The following GOSR2 variants were observed in gnomAD, a reference collection of about 807,000 sequenced individuals.
GOSR2 encodes 27 kDa Golgi SNARE protein.
A neutral mutation model predicts 27.9 loss-of-function variants in GOSR2; 20 were observed. The ratio of observed to expected loss-of-function variants is 0.72; its 90% CI spans 0.50 to 1.04. The LOEUF (loss-of-function observed/expected upper bound fraction) is 1.04. Ranked by LOEUF, GOSR2 falls within the 50% of genes least tolerant of loss-of-function variation. The pLI, the probability that GOSR2 is intolerant of heterozygous loss-of-function variation, is 0.00. For missense variants in GOSR2, 261 were observed against 270.5 expected (o/e 0.97, Z 0.25); for synonymous variants, 91 against 98.8 (o/e 0.92, Z 0.47).
chr17:46,933,587 C>A (rs1032051772), intron 4 of GOSR2: 2 of 149,086 alleles, frequency 1.3e-5, no homozygotes, highest in Non-Finnish European at 3.0e-5. Flanking sequence ...CACGTATGTG[C>A]AAAATGATTC....
At chr17:46,950,638 G>A (rs1159035743) in intron 6 of GOSR2, among the ~76,000 whole-genome samples, 2 of 152,118 alleles carry the variant, frequency 1.3e-5, no homozygotes, top group African/African-American at 4.8e-5. Flanking sequence ...AGATGACCCC[G>A]AGCAGCAAGG....
intron 6 of GOSR2, among the ~76,000 whole-genome samples, chr17:46,952,169 A>G (rs2090407616): frequency 6.6e-6 from 1 of 152,146 alleles, no homozygotes; most frequent in African/African-American, 2.4e-5. Flanking sequence ...TCTTTGGACT[A>G]CAAATCCTTA....
intron 6 of GOSR2, among the ~76,000 whole-genome samples, chr17:46,953,084 A>G (rs2090480099): frequency 6.6e-6 from 1 of 152,032 alleles, no homozygotes; most frequent in African/African-American, 2.4e-5. Flanking sequence ...TTTAGGGTAC[A>G]TGTACACAAT....
chr17:46,936,396 G>C, intron 5 of GOSR2: 2 of 985,388 alleles, frequency 2.0e-6, no homozygotes, highest in Non-Finnish European at 2.4e-6. Context: ...CACACCTCTT[G>C]CCACCCACAC....
chr17:46,932,243 C>G (rs370925488), intron 4 of GOSR2, 44 bp downstream of exon 4: 6 of 1,611,122 alleles, frequency 3.7e-6, no homozygotes, highest in Non-Finnish European at 4.2e-6. Context: ...CTTGACAGAT[C>G]GTGGGGGCTG....
At chr17:46,969,850 A>G (rs2091372786), downstream of GOSR2, among the ~76,000 whole-genome samples, 1 of 152,018 alleles carries the variant, frequency 6.6e-6, no homozygotes, top group Non-Finnish European at 1.5e-5. Context: ...GGTGCTTGTT[A>G]CCTTTCGCGA....
At chr17:46,961,001 G>A (rs2091017542) in intron 6 of GOSR2, among the ~76,000 whole-genome samples, 2 of 151,870 alleles carry the variant, frequency 1.3e-5, no homozygotes, top group Admixed American at 6.6e-5. Flanking sequence ...AAAATAAAAG[G>A]CATTTATAAT....
intron 1 of GOSR2, among the ~76,000 whole-genome samples, chr17:46,926,705 A>G (rs1024903748): frequency 3.3e-5 from 5 of 152,234 alleles, no homozygotes; most frequent in African/African-American, 7.2e-5. Context: ...CCACCTTGCC[A>G]TTCATACTTG....
chr17:46,973,620 C>CA (rs1301743950), intron 6 of GOSR2, among the ~76,000 whole-genome samples: 1 of 152,182 alleles, frequency 6.6e-6, no homozygotes, highest in African/African-American at 2.4e-5. Flanking sequence ...GAACACCCCG[C>CA]AATGCTGTCA....
At chr17:46,966,256 G>A (rs900301606) in intron 6 of GOSR2, among the ~76,000 whole-genome samples, 1 of 152,188 alleles carries the variant, frequency 6.6e-6, no homozygotes. Context: ...ATGTAATTGA[G>A]AGTATGAAAT....
downstream of GOSR2, among the ~76,000 whole-genome samples, chr17:46,968,135 C>T (rs1224438358): frequency 3.9e-5 from 6 of 152,146 alleles, no homozygotes; most frequent in South Asian, 1.2e-3. Flanking sequence ...TGTTCCTTCT[C>T]TTCAGCTCCA....
At chr17:46,925,144 A>C (rs2086295260) in intron 1 of GOSR2, among the ~76,000 whole-genome samples, 1 of 152,196 alleles carries the variant, frequency 6.6e-6, no homozygotes, top group Non-Finnish European at 1.5e-5. Flanking sequence ...ATTAAGGGCC[A>C]GATAGTAAAT....
intron 6 of GOSR2, chr17:46,973,089 T>C (rs989822329): frequency 4.1e-4 from 62 of 152,716 alleles, no homozygotes; most frequent in African/African-American, 1.5e-3. Flanking sequence ...GAAATCCCAC[T>C]GAAGTCCTTT....
intron 1 of GOSR2, among the ~76,000 whole-genome samples, chr17:46,928,163 C>G (rs1047476003): frequency 3.3e-5 from 5 of 152,116 alleles, no homozygotes; most frequent in African/African-American, 1.2e-4. Context: ...TTTCTAGTTG[C>G]TTCTCAGGGC....
chr17:46,928,023 G>C (rs890238220), intron 1 of GOSR2, among the ~76,000 whole-genome samples: 19 of 152,038 alleles, frequency 1.2e-4, no homozygotes, highest in African/African-American at 4.4e-4. Context: ...TGGTTGCCCT[G>C]CTTCAGGTGT....
chr17:46,947,106 G>T (rs1408309760), intron 6 of GOSR2, among the ~76,000 whole-genome samples: 1 of 152,184 alleles, frequency 6.6e-6, no homozygotes, highest in Non-Finnish European at 1.5e-5. Flanking sequence ...TGAAGCTGGA[G>T]GTGGGTGTGG....
chr17:46,943,019 T>C (rs1599094357), downstream of GOSR2, among the ~76,000 whole-genome samples: 1 of 152,278 alleles, frequency 6.6e-6, no homozygotes, highest in East Asian at 1.9e-4. Flanking sequence ...CATGTGTGGG[T>C]CTTCCATTCA....
At chr17:46,930,802 A>G (rs1450995791) in intron 2 of GOSR2, 3 of 338,000 alleles carry the variant, frequency 8.9e-6, no homozygotes, top group African/African-American at 2.1e-5. Flanking sequence ...TATTTGGACA[A>G]CCTTTGCATG....
downstream of GOSR2, among the ~76,000 whole-genome samples, chr17:46,942,177 A>G (rs2089369849): frequency 6.6e-6 from 1 of 152,210 alleles, no homozygotes; most frequent in Non-Finnish European, 1.5e-5. Context: ...GGGGAACCCT[A>G]ATTTGACTTT....
Sources: gnomAD v4.1 joint callset for allele counts (sites outside exome capture counted in the v4.1 genomes callset) on GRCh38, gnomAD v4.1.1 for gene constraint, MANE v1.5 for transcripts, NCBI Gene and HGNC (gene_info 2026-07-23, HGNC 2026-07-21) for gene names.